The following CFAP97D1 variants were observed in gnomAD, a reference collection of about 807,000 sequenced individuals.
The protein encoded by CFAP97D1 is CFAP97 domain containing 1, also known as sperm axonemal maintenance protein CFAP97D1.
Under a neutral mutation model 20.5 loss-of-function variants are expected in CFAP97D1, and 15 were observed. The ratio of observed to expected loss-of-function variants is 0.73; its 90% CI spans 0.49 to 1.13. CFAP97D1 has a LOEUF of 1.13. CFAP97D1 is among the 50% of genes most tolerant of loss of function. The pLI, the probability that CFAP97D1 is intolerant of heterozygous loss-of-function variation, is 0.00. For missense variants in CFAP97D1, 168 were observed against 202.9 expected (o/e 0.83, Z 1.04); for synonymous variants, 58 against 71.2 (o/e 0.82, Z 0.93).
At chr17:43,783,357 C>T in intron 4 of CFAP97D1, 54 bp downstream of exon 4, 1 of 1,546,322 alleles carries the variant, frequency 6.5e-7, no homozygotes, top group South Asian at 1.2e-5. Context: ...TGTCGGTGTT[C>T]AGCCTAGAGA....
intron 1 of CFAP97D1, 89 bp downstream of exon 1, chr17:43,780,675 C>T (rs920888927): frequency 4.9e-6 from 7 of 1,438,006 alleles, no homozygotes; most frequent in Middle Eastern, 1.8e-4. Flanking sequence ...GACCAGGTCA[C>T]AGCTTTGGGA....
intron 2 of CFAP97D1, 134 bp downstream of exon 2, chr17:43,781,323 A>C: frequency 2.8e-6 from 2 of 716,078 alleles, no homozygotes; most frequent in Non-Finnish European, 4.7e-6. Flanking sequence ...CCTCCTCCCC[A>C]CGCGTCACCC....
chr17:43,780,604 G>T lies in CFAP97D1; in HGVS notation c.124+18G>T. The T allele has an allele frequency of 6.4e-7, 1 of 1,551,518 alleles. No homozygotes were observed. On this transcript the variant is annotated intron_variant, in intron 1 of 5. Coordinates refer to ENST00000449302, the MANE Select transcript of CFAP97D1 (RefSeq NM_001136483.3). ...ACAAATAGGTATGTGGGCAGTTTGG[G>T]CTGGACACTGCTATTAGGGATTTTG...
At chr17:43,781,917 GT>G in intron 3 of CFAP97D1, 25 bp downstream of exon 3, 1 of 1,456,272 alleles carries the variant, frequency 6.9e-7, no homozygotes, top group East Asian at 2.5e-5. Context: ...CTTCATTTCA[GT>G]TTTGAAAAGT....
chr17:43,785,397 T>C lies in CFAP97D1; in HGVS notation c.*1015T>C, dbSNP rs2044285581. On this transcript the variant is annotated 3_prime_UTR_variant, in exon 6 of 6. Transcript: ENST00000449302. Reference sequence around the variant, plus strand: ...TACATGTAGATTAAGGGGCGGTTTGTGCAGAAATTCTAGGGAAGGAGTAGT... The same window carrying C: ...TACATGTAGATTAAGGGGCGGTTTGCGCAGAAATTCTAGGGAAGGAGTAGT... 2 of 151,998 alleles carry C rather than the reference T, an allele frequency of 1.3e-5. No homozygotes were observed. Among genetic ancestry groups the C allele is most frequent in the South Asian group, 2.1e-4 (1 of 4,822 alleles). 9.4% of individuals were successfully genotyped at this position (151,998 alleles called of 1,614,324 possible). A position where few individuals can be genotyped will look rare whatever the true frequency, so the allele number is the denominator to read the frequency against.
At chr17:43,780,618 T>C in intron 1 of CFAP97D1, 32 bp downstream of exon 1, 1 of 1,551,038 alleles carries the variant, frequency 6.4e-7, no homozygotes, top group Non-Finnish European at 8.7e-7. Context: ...GACACTGCTA[T>C]TAGGGATTTT....
intron 2 of CFAP97D1, 82 bp downstream of exon 2, chr17:43,781,271 G>C: frequency 8.5e-7 from 1 of 1,174,710 alleles, no homozygotes; most frequent in South Asian, 1.3e-5. Flanking sequence ...CAATTTCCCA[G>C]AGCCTTCTAA....
Position 43,787,553 on chromosome 17 carries a change from T to A in CFAP97D1, c.*3171T>A, listed in dbSNP as rs529191356. ...GGAATCTGGTAAGGAGTTTACAGGA[T>A]CTCTCTGTATTATTTCCTACATGCA... On this transcript the variant is annotated 3_prime_UTR_variant, in exon 6 of 6. Transcript: ENST00000449302. The A allele has an allele frequency of 2.6e-5, 4 of 152,274 alleles. No individual in the cohort carries two copies. The highest frequency in any genetic ancestry group is 2.0e-4 in the Admixed American group (3 of 15,286). The allele number at this position is 152,274 out of a possible 1,614,324, so 9.4% of individuals were successfully genotyped here.
rs534264069 is a variant in CFAP97D1, at chr17:43,783,260, G to A, written c.395G>A (p.Arg132His). The A allele has an allele frequency of 5.2e-6, 8 of 1,551,312 alleles. No homozygotes were observed. The highest frequency in any genetic ancestry group is 6.1e-6 in the Non-Finnish European group (7 of 1,146,830). Residue 132 changes from arginine (R) to histidine (H), a missense_variant, in exon 4 of 6, where the codon CGC (arginine) becomes CAC (histidine). Arg to His is a conservative substitution (Grantham distance 29). Coordinates refer to ENST00000449302, the MANE Select transcript of CFAP97D1 (RefSeq NM_001136483.3). ...GGCATTCTGAAGAGGCTTGTTGATC[G>A]CAAACCCCACTATGACCGCAGGGCA... ...NQGILKRLVD[R>H]KPHYDRRASE...
chr17:43,783,871 A>G lies in CFAP97D1; in HGVS notation c.473A>G (p.Tyr158Cys). The part of the protein sequence containing the change: ...SRRYIRNTTR[Y>C]LLSQNE ...CGCTATATCAGAAATACCACGAGAT[A>G]TCTTCTCTCCCAAAATGAATAGGTA... is the stretch of plus-strand genomic sequence containing the variant. Residue 158 changes from tyrosine to cysteine, a missense_variant, in exon 5 of 6, where the codon TAT (tyrosine) becomes TGT (cysteine). By Grantham distance (194) the Tyr-to-Cys change is radical (BLOSUM62 -2). Transcript: ENST00000449302. The G allele has an allele frequency of 1.3e-6, 2 of 1,550,622 alleles. No homozygotes were observed. The highest frequency in any genetic ancestry group is 2.4e-5 in the South Asian group (2 of 84,050).
chr17:43,781,313 C>T, intron 2 of CFAP97D1, 124 bp downstream of exon 2: 1 of 787,344 alleles, frequency 1.3e-6, no homozygotes, highest in Non-Finnish European at 2.1e-6. Flanking sequence ...TGTTAATACT[C>T]CTCCTCCCCA....
Position 43,783,283 on chromosome 17 carries a change from G to C in CFAP97D1, c.418G>C (p.Ala140Pro). ...VDRKPHYDRR[A>P]SEIDWQNSRR... ...TCGCAAACCCCACTATGACCGCAGG[G>C]CATCTGAGATAGACTGGCAGGCACG... The change falls in exon 4 of 6, where the codon GCA becomes CCA. Residue 140 changes from alanine (A) to proline (P), a missense_variant. By Grantham distance (27) the Ala-to-Pro change is conservative (BLOSUM62 -1). Transcript: ENST00000449302. The C allele has an allele frequency of 6.4e-7, 1 of 1,551,274 alleles. No homozygotes were observed. Among genetic ancestry groups the C allele is most frequent in the Non-Finnish European group, 8.7e-7 (1 of 1,146,816 alleles).
At position 43,784,528 on chromosome 17, in the gene CFAP97D1, G is replaced by A. The variant is rs1278860528; in HGVS notation, c.*146G>A. ...ATAAAATGCGTAAGTTACATTTAGG[G>A]GACCCAAAGGCTTTATGTTCTCATT... On this transcript the variant is annotated 3_prime_UTR_variant, in exon 6 of 6. Coordinates refer to ENST00000449302, the MANE Select transcript of CFAP97D1 (RefSeq NM_001136483.3). 2.0e-5 allele frequency: 3 copies of A among 152,160 alleles called. No individual in the cohort carries two copies. Among genetic ancestry groups the A allele is most frequent in the Non-Finnish European group, 2.9e-5 (2 of 68,036 alleles). 9.4% of individuals were successfully genotyped at this position (152,160 alleles called of 1,614,324 possible).
chr17:43,783,992 T>C, intron 5 of CFAP97D1, 99 bp downstream of exon 5: 1 of 901,120 alleles, frequency 1.1e-6, no homozygotes, highest in Non-Finnish European at 1.7e-6. Flanking sequence ...AGGAGACGGA[T>C]TTTGCTCTTC....
Position 43,786,949 on chromosome 17 carries a change from T to C in CFAP97D1, c.*2567T>C, listed in dbSNP as rs1381431299. 6.7e-6 allele frequency: 1 copy of C among 149,592 alleles called. No homozygotes were observed. The highest frequency in any genetic ancestry group is 1.5e-5 in the Non-Finnish European group (1 of 67,892). The allele number at this position is 149,592 out of a possible 1,614,324, so 9.3% of individuals were successfully genotyped here. A position where few individuals can be genotyped will look rare whatever the true frequency, so the allele number is the denominator to read the frequency against. On this transcript the variant is annotated 3_prime_UTR_variant, in exon 6 of 6. Transcript: ENST00000449302. ...AGGACATTGGGGTAGTTTCTAGTTT[T>C]TCAAACATTATTATTATTATTATTA...
intron 5 of CFAP97D1, among the ~76,000 whole-genome samples, 165 bp from the exon 6 acceptor site, chr17:43,784,218 T>C (rs998463656): frequency 9.2e-5 from 14 of 152,254 alleles, no homozygotes; most frequent in Admixed American, 7.9e-4. Context: ...TCTGTCAGTA[T>C]TCAAAAGTAC....
chr17:43,781,190 G>A lies in CFAP97D1; in HGVS notation c.195+1G>A, dbSNP rs1974469301. On this transcript the variant is annotated splice_donor_variant, in intron 2 of 5. Transcript: ENST00000449302. LOFTEE classifies it high-confidence loss of function. ...CATTTTAAAATTGAGCAAACTACAGGTATTTGTTCTTGCTGCTTGCAGATG... is the reference window on the plus strand; with the variant it reads ...CATTTTAAAATTGAGCAAACTACAGATATTTGTTCTTGCTGCTTGCAGATG... The A allele has an allele frequency of 1.9e-6, 3 of 1,550,126 alleles. No individual in the cohort carries two copies. Among genetic ancestry groups the A allele is most frequent in the South Asian group, 2.4e-5 (2 of 84,018 alleles).
rs998098025 is a variant in CFAP97D1 at position 43,783,898 on chromosome 17, G to T, written c.*5G>T. 6.5e-7 allele frequency: 1 copy of T among 1,546,038 alleles called. No homozygotes were observed. The highest frequency in any genetic ancestry group is 1.4e-5 in the African/African-American group (1 of 72,912). ...CTTCTCTCCCAAAATGAATAGGTATGTCTCTCTTACTATCAAACACTGTGA... is the reference window on the plus strand; with the variant it reads ...CTTCTCTCCCAAAATGAATAGGTATTTCTCTCTTACTATCAAACACTGTGA... On this transcript the variant is annotated splice_donor_5th_base_variant and intron_variant, in intron 5 of 5. Coordinates refer to ENST00000449302, the MANE Select transcript of CFAP97D1 (RefSeq NM_001136483.3).
chr17:43,783,777 G>T, intron 4 of CFAP97D1, 60 bp from the exon 5 acceptor site: 2 of 1,278,260 alleles, frequency 1.6e-6, no homozygotes, highest in South Asian at 2.6e-5. Context: ...CTGGGATTTA[G>T]AACTTCAGTA....
Sources: allele counts gnomAD v4.1 joint callset (sites outside exome capture counted in the v4.1 genomes callset), GRCh38; gene constraint gnomAD v4.1.1; transcripts MANE v1.5; gene names NCBI Gene and HGNC (gene_info 2026-07-23, HGNC 2026-07-21).